The following BRAF variants were observed in gnomAD, a reference collection of about 807,000 sequenced individuals.
BRAF encodes serine/threonine-protein kinase B-raf.
A neutral mutation model predicts 104.6 loss-of-function variants in BRAF; 16 were observed. The observed-to-expected ratio is 0.15, with a 90% CI of 0.10 to 0.23. The LOEUF is 0.23. Ranked by LOEUF, BRAF falls within the 10% of genes least tolerant of loss-of-function variation. The pLI, the probability that BRAF is intolerant of heterozygous loss-of-function variation, is 1.00. For missense variants in BRAF, 541 were observed against 937.3 expected (o/e 0.58, Z 5.52); for synonymous variants, 310 against 341.6 (o/e 0.91, Z 1.02).
chr7:140,725,231 G>A lies in BRAF; in HGVS notation c.*1263C>T, dbSNP rs1398439952. On this transcript the variant is annotated 3_prime_UTR_variant, in exon 20 of 20. Coordinates refer to ENST00000644969, the MANE Select transcript of BRAF (RefSeq NM_001374258.1). ...GGGATATAGTGTTAGGAATCAGTTG[G>A]AAGAAACAATGAGATTATTAGCAAA... 1.8e-5 allele frequency: 19 copies of A among 1,044,298 alleles called. No individual in the cohort carries two copies. The highest frequency in any genetic ancestry group is 2.2e-5 in the Non-Finnish European group (19 of 865,826). The allele number at this position is 1,044,298 out of a possible 1,614,324, so 64.7% of individuals were successfully genotyped here.
chr7:140,816,997 T>C (rs919671749), intron 3 of BRAF, among the ~76,000 whole-genome samples: 8 of 151,688 alleles, frequency 5.3e-5, no homozygotes, highest in African/African-American at 1.5e-4. Flanking sequence ...GGTATCCAAA[T>C]TGGAAAGAAT....
chr7:140,721,139 C>T lies in BRAF; in HGVS notation c.*5355G>A. 5.6e-6 allele frequency: 6 copies of T among 1,063,310 alleles called. No individual in the cohort carries two copies. Among genetic ancestry groups the T allele is most frequent in the Non-Finnish European group, 6.8e-6 (6 of 877,516 alleles). The allele number at this position is 1,063,310 out of a possible 1,614,324, so 65.9% of individuals were successfully genotyped here. On this transcript the variant is annotated 3_prime_UTR_variant, in exon 20 of 20. Transcript: ENST00000644969. ...TACATTGGCTGTGTCCTCATACACA[C>T]TCGTCAAGTCACTATAATTATTCAA...
intron 14 of BRAF, among the ~76,000 whole-genome samples, chr7:140,766,622 GC>G (rs760940200): frequency 2.2e-4 from 33 of 151,592 alleles, no homozygotes; most frequent in Admixed American, 3.3e-4. Flanking sequence ...TCACTCTGTC[GC>G]CCTGGCTGGA....
intron 18 of BRAF, among the ~76,000 whole-genome samples, chr7:140,736,963 T>C (rs1038935506): frequency 9.9e-5 from 15 of 152,082 alleles, no homozygotes; most frequent in African/African-American, 2.9e-4. Flanking sequence ...GGTGAGAGGA[T>C]CGCTTGAGCC....
chr7:140,896,210 T>C (rs1814878445), intron 1 of BRAF, among the ~76,000 whole-genome samples: 1 of 152,174 alleles, frequency 6.6e-6, no homozygotes, highest in South Asian at 2.1e-4. Context: ...CCTTGTAGTT[T>C]TGGGTCTTAC....
intron 14 of BRAF, among the ~76,000 whole-genome samples, chr7:140,758,890 G>A (rs1475265580): frequency 6.6e-6 from 1 of 152,158 alleles, no homozygotes; most frequent in Non-Finnish European, 1.5e-5. Flanking sequence ...AAGAATATCC[G>A]TCACCCCAGA....
intron 19 of BRAF, among the ~76,000 whole-genome samples, chr7:140,727,137 T>C (rs1289090359): frequency 6.6e-6 from 1 of 152,072 alleles, no homozygotes; most frequent in Non-Finnish European, 1.5e-5. Context: ...TGTGATATCA[T>C]GCTCCTTTAG....
At chr7:140,884,514 C>T (rs1036379538) in intron 1 of BRAF, among the ~76,000 whole-genome samples, 11 of 150,452 alleles carry the variant, frequency 7.3e-5, no homozygotes, top group Admixed American at 4.7e-4. Flanking sequence ...TAGGGTCTCA[C>T]TCTGTAGCCC....
At chr7:140,796,227 T>C (rs1357149907) in intron 7 of BRAF, among the ~76,000 whole-genome samples, 1 of 151,930 alleles carries the variant, frequency 6.6e-6, no homozygotes, top group Non-Finnish European at 1.5e-5. Flanking sequence ...GTTAAGGGCC[T>C]GTAATCCCAG....
intron 14 of BRAF, among the ~76,000 whole-genome samples, chr7:140,764,681 G>A (rs1287798897): frequency 6.6e-6 from 1 of 152,188 alleles, no homozygotes; most frequent in Non-Finnish European, 1.5e-5. Context: ...CAAATCATGA[G>A]TGAACTTCCA....
At chr7:140,836,413 A>G (rs1359032417) in intron 2 of BRAF, among the ~76,000 whole-genome samples, 3 of 152,150 alleles carry the variant, frequency 2.0e-5, no homozygotes, top group Non-Finnish European at 4.4e-5. Context: ...AGGAGAATGA[A>G]AGAGAAATTT....
At chr7:140,822,637 T>C (rs997076090) in intron 3 of BRAF, among the ~76,000 whole-genome samples, 20 of 152,242 alleles carry the variant, frequency 1.3e-4, no homozygotes, top group African/African-American at 4.3e-4. Context: ...CTGAGTAGTA[T>C]TCCCTTTTAT....
chr7:140,919,151 A>G (rs1035689211), intron 1 of BRAF, among the ~76,000 whole-genome samples: 42 of 148,498 alleles, frequency 2.8e-4, no homozygotes, highest in African/African-American at 1.0e-3. Context: ...CGTCTCAAAA[A>G]AAAAAAAAAA....
chr7:140,874,149 A>G (rs1177167233), intron 1 of BRAF, among the ~76,000 whole-genome samples: 2 of 152,136 alleles, frequency 1.3e-5, no homozygotes, highest in African/African-American at 4.8e-5. Flanking sequence ...CGATTGGGAT[A>G]GAGGACAAGG....
chr7:140,724,304 T>C lies in BRAF; in HGVS notation c.*2190A>G. The C allele has an allele frequency of 9.5e-7, 1 of 1,056,856 alleles. No homozygotes were observed. The highest frequency in any genetic ancestry group is 4.6e-5 in the South Asian group (1 of 21,910). 65.5% of individuals were successfully genotyped at this position (1,056,856 alleles called of 1,614,324 possible). A position where few individuals can be genotyped will look rare whatever the true frequency, so the allele number is the denominator to read the frequency against. The stretch of plus-strand genomic sequence containing the variant: ...CCTCTTGTTCAAGCCCAGGTCTCTC[T>C]ACCTGCGGAAACTTGAAGCCAATCT... On this transcript the variant is annotated 3_prime_UTR_variant, in exon 20 of 20. Coordinates refer to ENST00000644969, the MANE Select transcript of BRAF (RefSeq NM_001374258.1).
Position 140,800,359 on chromosome 7 carries a change from T to C in BRAF, c.980+3A>G, listed in dbSNP as rs1333568647. 1 of 1,614,054 alleles carries C rather than the reference T, an allele frequency of 6.2e-7. No homozygotes were observed. The highest frequency in any genetic ancestry group is 1.3e-5 in the African/African-American group (1 of 75,046). ...TCGCCCAAGAGCAGAAGTCAAACCATACCCAATAGAGTCCGAGGCGGGTGC... is the reference window on the plus strand; with the variant it reads ...TCGCCCAAGAGCAGAAGTCAAACCACACCCAATAGAGTCCGAGGCGGGTGC... On this transcript the variant is annotated splice_donor_region_variant and intron_variant, in intron 7 of 19. Transcript: ENST00000644969.
At chr7:140,868,064 G>T (rs984189730) in intron 1 of BRAF, among the ~76,000 whole-genome samples, 4 of 152,130 alleles carry the variant, frequency 2.6e-5, no homozygotes, top group African/African-American at 9.7e-5. Context: ...GTCCACTCAA[G>T]ACCATCCTAG....
intron 11 of BRAF, among the ~76,000 whole-genome samples, chr7:140,782,443 C>T (rs1243636751): frequency 1.4e-5 from 2 of 138,236 alleles, no homozygotes; most frequent in Non-Finnish European, 1.5e-5. Flanking sequence ...CTTCATGTAT[C>T]TTATCTAATT....
chr7:140,753,512 AC>A (rs1206338035), intron 15 of BRAF, 119 bp from the exon 15 acceptor site: 8 of 689,984 alleles, frequency 1.2e-5, no homozygotes, highest in African/African-American at 5.4e-5. Flanking sequence ...ATTCTTTAAA[AC>A]ATAGTACTTC....
Sources: gnomAD v4.1 joint callset for allele counts (sites outside exome capture counted in the v4.1 genomes callset) on GRCh38, gnomAD v4.1.1 for gene constraint, MANE v1.5 for transcripts, NCBI Gene and HGNC (gene_info 2026-07-23, HGNC 2026-07-21) for gene names.